LINGO2: variants seen among roughly 807,000 people sequenced by gnomAD.
LINGO2 encodes the protein leucine-rich repeat and immunoglobulin-like domain-containing nogo receptor-interacting protein 2.
Under a neutral mutation model 30.6 loss-of-function variants are expected in LINGO2, and 14 were observed. That is an observed-to-expected ratio of 0.46 (90% confidence interval 0.30 to 0.72). The LOEUF (loss-of-function observed/expected upper bound fraction) is 0.72, where lower values mean the gene tolerates loss of function less well. LINGO2 is among the 30% of genes least tolerant of loss of function. LINGO2 has a pLI of 0.07. For synonymous variants in LINGO2, 317 were observed against 288.5 expected, an observed-to-expected ratio of 1.10 and a Z score of -1.00; for missense variants, 729 against 751.7, an observed-to-expected ratio of 0.97 and a Z score of 0.35.
intron 1 of LINGO2, among the ~76,000 whole-genome samples, chr9:28,561,136 C>G (rs1371601314): frequency 1.3e-5 from 2 of 151,784 alleles, no homozygotes; most frequent in Non-Finnish European, 2.9e-5. Flanking sequence ...TTATCAGTAC[C>G]CTTATGTTTT....
At chr9:28,159,471 A>AATACTT (rs149451136) in intron 4 of LINGO2, among the ~76,000 whole-genome samples, 1,623 of 152,206 alleles carry the variant, frequency 0.011, 24 homozygotes, top group African/African-American at 0.037. Context: ...ATTGACAAAT[A>AATACTT]ATACTTATAT....
At chr9:28,254,565 C>A (rs1191030775) in intron 4 of LINGO2, among the ~76,000 whole-genome samples, 1 of 152,048 alleles carries the variant, frequency 6.6e-6, no homozygotes. Context: ...TTCTTAGCAA[C>A]TGATAGCTTT....
At chr9:28,882,661 C>G in the LINGO2 span, among the ~76,000 whole-genome samples, 1 of 152,094 alleles carries the variant, frequency 6.6e-6, no homozygotes, top group African/African-American at 2.4e-5. Context: ...ACATGATTAT[C>G]TCTACAGTCT....
the LINGO2 span, among the ~76,000 whole-genome samples, chr9:28,749,547 A>C: frequency 6.6e-6 from 1 of 152,078 alleles, no homozygotes; most frequent in Admixed American, 6.5e-5. Context: ...AAAATAGCTT[A>C]TTGGGTTTGT....
chr9:28,178,224 C>G (rs1828801726), intron 4 of LINGO2, among the ~76,000 whole-genome samples: 1 of 152,040 alleles, frequency 6.6e-6, no homozygotes. Flanking sequence ...ACCCGCAGCT[C>G]CCACAGTGTT....
At chr9:28,292,864 G>A (rs1823782881) in intron 4 of LINGO2, among the ~76,000 whole-genome samples, 1 of 151,692 alleles carries the variant, frequency 6.6e-6, no homozygotes, top group Non-Finnish European at 1.5e-5. Context: ...TCTGCCTCCC[G>A]GGTTCATGCC....
At chr9:28,501,301 G>A (rs1819872461) in intron 1 of LINGO2, among the ~76,000 whole-genome samples, 1 of 152,058 alleles carries the variant, frequency 6.6e-6, no homozygotes, top group African/African-American at 2.4e-5. Flanking sequence ...TTTGAATGTG[G>A]CTATAAATAC....
chr9:28,502,667 T>C (rs1420171399), intron 1 of LINGO2, among the ~76,000 whole-genome samples: 1 of 152,068 alleles, frequency 6.6e-6, no homozygotes, highest in Non-Finnish European at 1.5e-5. Context: ...TATTCAGCAG[T>C]TTGGATTGAT....
the LINGO2 span, among the ~76,000 whole-genome samples, chr9:28,816,722 G>A: frequency 6.6e-6 from 1 of 152,046 alleles, no homozygotes; most frequent in Non-Finnish European, 1.5e-5. Flanking sequence ...ATTTAATAAG[G>A]AACTCAGACA....
intron 2 of LINGO2, among the ~76,000 whole-genome samples, chr9:28,433,184 C>T (rs1331032487): frequency 6.6e-6 from 1 of 151,952 alleles, no homozygotes; most frequent in African/African-American, 2.4e-5. Flanking sequence ...GCATACAATT[C>T]CAAGTTGGAA....
At chr9:28,540,078 A>C (rs1328511606) in intron 1 of LINGO2, among the ~76,000 whole-genome samples, 1 of 152,110 alleles carries the variant, frequency 6.6e-6, no homozygotes, top group Non-Finnish European at 1.5e-5. Context: ...AGGAAGTCTA[A>C]AAGACATCGC....
chr9:28,630,826 A>G lies in LINGO2; in HGVS notation c.-365+39374T>C, dbSNP rs1826902636. 2.0e-5 allele frequency among the ~76,000 whole-genome samples: 3 copies of G among 152,188 alleles called. No individual in the cohort carries two copies. In the South Asian group the frequency reaches 6.2e-4, roughly 32 times the overall value. On this transcript the variant is annotated intron_variant, in intron 1 of 5. Coordinates refer to ENST00000379992, the Ensembl canonical transcript of LINGO2. ...GTTTAACACTCTACTGAGAGTATGC[A>G]GACTATTTTTAGTAACCCTCAGAAT...
At chr9:27,984,104 C>G in intron 5 of LINGO2, among the ~76,000 whole-genome samples, 1 of 151,816 alleles carries the variant, frequency 6.6e-6, no homozygotes, top group East Asian at 1.9e-4. Flanking sequence ...AACAGAAAAA[C>G]AAGATTTTAA....
chr9:28,783,384 TA>T, the LINGO2 span, among the ~76,000 whole-genome samples: 1 of 152,150 alleles, frequency 6.6e-6, no homozygotes, highest in Admixed American at 6.5e-5. Context: ...AAATAGTTGT[TA>T]TACTATATTT....
chr9:28,940,498 G>A, the LINGO2 span, among the ~76,000 whole-genome samples: 5 of 151,830 alleles, frequency 3.3e-5, no homozygotes, highest in African/African-American at 1.2e-4. Context: ...ACAAAGAACT[G>A]TAATTCTATT....
intron 3 of LINGO2, among the ~76,000 whole-genome samples, chr9:28,359,341 T>C (rs913021778): frequency 2.6e-5 from 4 of 152,172 alleles, no homozygotes; most frequent in African/African-American, 9.7e-5. Context: ...TCTCTACTTC[T>C]ATACAGCATA....
chr9:28,192,447 C>A (rs1819856397), intron 4 of LINGO2, among the ~76,000 whole-genome samples: 1 of 152,016 alleles, frequency 6.6e-6, no homozygotes, highest in Non-Finnish European at 1.5e-5. Context: ...GCCGTGCCTA[C>A]CTAGATATTT....
intron 3 of LINGO2, among the ~76,000 whole-genome samples, chr9:28,372,022 G>C (rs1446619480): frequency 6.6e-6 from 1 of 152,050 alleles, no homozygotes; most frequent in African/African-American, 2.4e-5. Context: ...ACAGGACCTT[G>C]CACACAATAT....
At chr9:28,405,851 C>T (rs562362433) in intron 2 of LINGO2, among the ~76,000 whole-genome samples, 15 of 152,166 alleles carry the variant, frequency 9.9e-5, no homozygotes, top group African/African-American at 3.6e-4. Context: ...TTTCTTCCTT[C>T]CTTTTTATTT....
Sources: gnomAD v4.1 joint callset for allele counts (sites outside exome capture counted in the v4.1 genomes callset) on GRCh38, gnomAD v4.1.1 for gene constraint, MANE v1.5 for transcripts, NCBI Gene and HGNC (gene_info 2026-07-23, HGNC 2026-07-21) for gene names.